The following GNE variants were observed in gnomAD, a reference collection of about 807,000 sequenced individuals.
GNE encodes the protein glucosamine (UDP-N-acetyl)-2-epimerase/N-acetylmannosamine kinase, also known as bifunctional UDP-N-acetylglucosamine 2-epimerase/N-acetylmannosamine kinase.
GNE carries 41 observed loss-of-function variants against 61.8 expected under a neutral mutation model. The ratio of observed to expected loss-of-function variants is 0.66; its 90% CI spans 0.52 to 0.86. The LOEUF is 0.86. GNE is among the 40% of genes least tolerant of loss of function. The pLI is 0.00. For synonymous variants in GNE, 264 were observed against 326.4 expected, an observed-to-expected ratio of 0.81 and a Z score of 2.06; for missense variants, 608 against 909.1, an observed-to-expected ratio of 0.67 and a Z score of 4.26.
intron 1 of GNE, among the ~76,000 whole-genome samples, chr9:36,269,434 A>G (rs1830937129): frequency 1.3e-5 from 2 of 151,138 alleles, no homozygotes; most frequent in African/African-American, 4.9e-5. Context: ...TGAGGCCCCT[A>G]TGTTCAATTG....
chr9:36,262,775 C>T (rs1587374164), upstream of GNE, among the ~76,000 whole-genome samples: 1 of 152,190 alleles, frequency 6.6e-6, no homozygotes, highest in South Asian at 2.1e-4. Context: ...AGATGCTTAT[C>T]TGGCCACTTT....
chr9:36,276,849 T>C, intron 1 of GNE: 1 of 1,444,992 alleles, frequency 6.9e-7, no homozygotes. Flanking sequence ...TTTTTTCTGA[T>C]TGCAATTTCA....
intron 7 of GNE, among the ~76,000 whole-genome samples, chr9:36,224,018 C>T (rs1347275666): frequency 6.6e-6 from 1 of 151,994 alleles, no homozygotes; most frequent in Admixed American, 6.5e-5. Flanking sequence ...TCCCAAAGTG[C>T]TGGGATTACA....
At chr9:36,272,620 C>CAAAAAAAAAAAAAAAAAAAAAAAAAAAA (rs58934783) in intron 1 of GNE, among the ~76,000 whole-genome samples, 1 of 74,094 alleles carries the variant, frequency 1.3e-5, no homozygotes, top group Non-Finnish European at 2.4e-5. Context: ...GACTCCGCCT[C>CAAAAAAAAAAAAAAAAAAAAAAAAAAAA]AAAAAAAAAA....
In GNE at chr9:36,233,957, C is replaced by T. The variant is rs371362663; in HGVS notation, c.945G>A (p.Val315=). ...VREVGAFGTP[V]INLGTRQIGR... is the part of the protein sequence containing the mutation. Reference sequence around the variant, plus strand: ...CAATCTGACGTGTTCCCAGGTTGATCACAGGTGTTCCAAAAGCTCCAACTT... The same window carrying T: ...CAATCTGACGTGTTCCCAGGTTGATTACAGGTGTTCCAAAAGCTCCAACTT... Residue 315 remains valine, a synonymous_variant, in exon 5 of 12, where the codon GTG becomes GTA. Coordinates refer to ENST00000642385, the MANE Select transcript of GNE (RefSeq NM_005476.7). 3 of 1,614,038 alleles carry T rather than the reference C, an allele frequency of 1.9e-6. No individual in the cohort carries two copies. The highest frequency in any genetic ancestry group is 2.2e-5 in the South Asian group (2 of 91,078).
chr9:36,269,173 C>T (rs1019414727), intron 1 of GNE, among the ~76,000 whole-genome samples: 3 of 147,786 alleles, frequency 2.0e-5, no homozygotes, highest in African/African-American at 7.5e-5. Context: ...AGGCCTCAAC[C>T]TCTCTCTCTC....
At chr9:36,251,653 T>G (rs970224881) in intron 1 of GNE, among the ~76,000 whole-genome samples, 2 of 152,130 alleles carry the variant, frequency 1.3e-5, no homozygotes, top group Non-Finnish European at 2.9e-5. Context: ...ATCTCAATGT[T>G]CATGTTTCAG....
intron 2 of GNE, among the ~76,000 whole-genome samples, chr9:36,248,464 G>A (rs146486434): frequency 0.011 from 1,679 of 150,508 alleles, 31 homozygotes; most frequent in African/African-American, 0.037. Flanking sequence ...ACGGGCATGC[G>A]CCACCACAAC....
intron 1 of GNE, among the ~76,000 whole-genome samples, chr9:36,249,755 G>C (rs1034868377): frequency 1.3e-5 from 2 of 152,000 alleles, no homozygotes; most frequent in African/African-American, 2.4e-5. Context: ...GTGGTGGCGG[G>C]TACCTGTAGT....
intron 3 of GNE, among the ~76,000 whole-genome samples, chr9:36,242,437 T>C (rs1291032791): frequency 6.6e-6 from 1 of 152,262 alleles, no homozygotes; most frequent in Non-Finnish European, 1.5e-5. Flanking sequence ...TTTTTTGTTT[T>C]GAGACGGAGT....
At chr9:36,268,784 A>G (rs1045441948) in intron 1 of GNE, among the ~76,000 whole-genome samples, 5 of 152,286 alleles carry the variant, frequency 3.3e-5, no homozygotes, top group South Asian at 2.1e-4. Flanking sequence ...TTATTTCCCA[A>G]CGTAAGCTAA....
chr9:36,246,660 C>CTTTTT (rs66781293), intron 2 of GNE, among the ~76,000 whole-genome samples, 178 bp from the exon 3 acceptor site: 2 of 119,064 alleles, frequency 1.7e-5, no homozygotes, highest in Non-Finnish European at 3.5e-5. Context: ...GATTAAGATT[C>CTTTTT]TTTTTTTTTT....
At chr9:36,229,501 TC>T (rs1829043786) in intron 5 of GNE, among the ~76,000 whole-genome samples, 1 of 152,114 alleles carries the variant, frequency 6.6e-6, no homozygotes, top group Non-Finnish European at 1.5e-5. Context: ...TCACTTTCCC[TC>T]CAGACATTTC....
upstream of GNE, chr9:36,263,292 TC>T: frequency 4.8e-6 from 1 of 208,930 alleles, no homozygotes; most frequent in South Asian, 5.8e-5. Flanking sequence ...TGCCTCAGCC[TC>T]CCGAGGAGCT....
chr9:36,267,746 A>G (rs995982393), intron 1 of GNE: 3 of 152,060 alleles, frequency 2.0e-5, no homozygotes, highest in Non-Finnish European at 4.4e-5. Context: ...TTACATATAT[A>G]TATTTTTCTT....
At chr9:36,228,132 A>G (rs1828977576) in intron 6 of GNE, among the ~76,000 whole-genome samples, 1 of 151,848 alleles carries the variant, frequency 6.6e-6, no homozygotes, top group African/African-American at 2.4e-5. Context: ...GTACACAATA[A>G]ATACATACAA....
Position 36,216,311 on chromosome 9 carries a change from G to T in GNE, c.*1054C>A, listed in dbSNP as rs7048468. The T allele has an allele frequency of 7.3e-3, 3,300 of 453,164 alleles. 104 individuals are homozygous for T. The highest frequency in any genetic ancestry group is 0.061 in the African/African-American group (3,007 of 49,468). 28.1% of individuals were successfully genotyped at this position (453,164 alleles called of 1,614,324 possible). On this transcript the variant is annotated 3_prime_UTR_variant, in exon 12 of 12. Transcript: ENST00000642385. ...ATCACCTTCTGTGATCTTAGTTTGG[G>T]GTTAGAGGAGGAAGGATGTGTGTGT...
chr9:36,244,283 T>C (rs762767012), intron 3 of GNE, among the ~76,000 whole-genome samples: 7 of 152,108 alleles, frequency 4.6e-5, no homozygotes, highest in Admixed American at 2.0e-4. Context: ...CAATTTTCTG[T>C]TCATTAATTT....
intron 1 of GNE, among the ~76,000 whole-genome samples, chr9:36,254,372 A>AT (rs1039291494): frequency 1.9e-4 from 29 of 151,534 alleles, no homozygotes; most frequent in Non-Finnish European, 3.2e-4. Flanking sequence ...CTACAAACAA[A>AT]TTTTTTTTAA....
Sources: allele counts gnomAD v4.1 joint callset (sites outside exome capture counted in the v4.1 genomes callset), GRCh38; gene constraint gnomAD v4.1.1; transcripts MANE v1.5; gene names NCBI Gene and HGNC (gene_info 2026-07-23, HGNC 2026-07-21).